MAF: variants seen among roughly 807,000 people sequenced by gnomAD.
MAF encodes MAF bZIP transcription factor.
A neutral mutation model predicts 22.0 loss-of-function variants in MAF; 10 were observed. That is an observed-to-expected ratio of 0.45 (90% CI 0.28 to 0.77). The LOEUF (loss-of-function observed/expected upper bound fraction) is 0.77. Ranked by LOEUF, MAF falls within the 30% of genes least tolerant of loss-of-function variation. The pLI is 0.12. For missense variants in MAF, 544 were observed against 548.4 expected (o/e 0.99, Z 0.08); for synonymous variants, 337 against 255.8 (o/e 1.32, Z -3.03).
the MAF span, among the ~76,000 whole-genome samples, chr16:79,449,100 G>A: frequency 1.3e-5 from 2 of 152,200 alleles, no homozygotes; most frequent in Admixed American, 6.5e-5. Flanking sequence ...CTCATAAGGA[G>A]CATGCAGCCC....
the MAF span, chr16:79,264,445 C>G: frequency 1.1e-4 from 17 of 152,316 alleles, no homozygotes; most frequent in East Asian, 2.5e-3. Context: ...GCCCTGAGAA[C>G]ACAGCAGAGT....
chr16:79,398,554 C>T, the MAF span, among the ~76,000 whole-genome samples: 8 of 152,044 alleles, frequency 5.3e-5, no homozygotes, highest in South Asian at 2.1e-4. Flanking sequence ...GTAGCAGAGA[C>T]GGAGTATCCT....
chr16:79,487,878 G>A, the MAF span, among the ~76,000 whole-genome samples: 2 of 152,318 alleles, frequency 1.3e-5, no homozygotes, highest in South Asian at 2.1e-4. Flanking sequence ...GCGTATGGAT[G>A]AAGATTTCCA....
At chr16:79,234,900 C>T in the MAF span, among the ~76,000 whole-genome samples, 1 of 151,978 alleles carries the variant, frequency 6.6e-6, no homozygotes, top group Admixed American at 6.6e-5. Flanking sequence ...GACCTGCCCT[C>T]GCGTTGCTGG....
At chr16:79,299,240 T>G in the MAF span, among the ~76,000 whole-genome samples, 1 of 152,048 alleles carries the variant, frequency 6.6e-6, no homozygotes, top group Non-Finnish European at 1.5e-5. Context: ...TAATGCGGGT[T>G]TTGTTCAGGA....
At chr16:79,509,200 C>A in the MAF span, among the ~76,000 whole-genome samples, 351 of 152,224 alleles carry the variant, frequency 2.3e-3, 1 homozygote, top group Non-Finnish European at 8.4e-4. Flanking sequence ...GGTAGCAAAC[C>A]CTTGGCATTC....
At chr16:79,297,617 G>A in the MAF span, among the ~76,000 whole-genome samples, 2 of 152,274 alleles carry the variant, frequency 1.3e-5, no homozygotes, top group East Asian at 1.9e-4. Context: ...AATCCAACGC[G>A]ATGATACAGA....
the MAF span, among the ~76,000 whole-genome samples, chr16:79,273,105 C>G: frequency 1.3e-5 from 2 of 152,112 alleles, no homozygotes; most frequent in African/African-American, 4.8e-5. Flanking sequence ...CTGCGGTGTC[C>G]TTGTTTTGCT....
chr16:79,575,796 C>A, the MAF span, among the ~76,000 whole-genome samples: 10 of 152,168 alleles, frequency 6.6e-5, no homozygotes, highest in Non-Finnish European at 1.3e-4. Context: ...GAACAGAAAC[C>A]TGAAAGCATA....
intron 1 of MAF, chr16:79,595,677 G>A: frequency 9.5e-7 from 1 of 1,057,952 alleles, no homozygotes; most frequent in Non-Finnish European, 1.1e-6. Flanking sequence ...AGCCTATTTT[G>A]GGGTAAATAC....
the MAF span, among the ~76,000 whole-genome samples, chr16:79,446,937 A>T: frequency 6.6e-6 from 1 of 152,096 alleles, no homozygotes; most frequent in Non-Finnish European, 1.5e-5. Context: ...AAAAAAAGAG[A>T]GAGAAAAAAA....
At chr16:79,453,681 A>G in the MAF span, among the ~76,000 whole-genome samples, 1 of 152,350 alleles carries the variant, frequency 6.6e-6, no homozygotes, top group East Asian at 1.9e-4. Context: ...ATTTCTGGAT[A>G]GGTCGGTCAC....
At chr16:79,208,190 C>G in the MAF span, among the ~76,000 whole-genome samples, 1 of 152,172 alleles carries the variant, frequency 6.6e-6, no homozygotes, top group Non-Finnish European at 1.5e-5. Flanking sequence ...TGGCAGCTCA[C>G]AAATGTTTGA....
the MAF span, among the ~76,000 whole-genome samples, chr16:79,229,881 C>CGGCA: frequency 1.8e-4 from 28 of 152,126 alleles, 1 homozygote; most frequent in African/African-American, 6.0e-4. Flanking sequence ...AGCTTGCTTG[C>CGGCA]GGCAGCCTGT....
At chr16:79,581,507 T>A (rs980747318), downstream of MAF, among the ~76,000 whole-genome samples, 1 of 151,486 alleles carries the variant, frequency 6.6e-6, no homozygotes, top group Non-Finnish European at 1.5e-5. Flanking sequence ...AAAGAAACTT[T>A]GTCTGTGGAA....
chr16:79,317,782 C>A, the MAF span, among the ~76,000 whole-genome samples: 1 of 152,224 alleles, frequency 6.6e-6, no homozygotes. Flanking sequence ...TGCTAGCCCA[C>A]TGGACACATG....
chr16:79,487,336 G>C, the MAF span, among the ~76,000 whole-genome samples: 1 of 152,122 alleles, frequency 6.6e-6, no homozygotes, highest in African/African-American at 2.4e-5. Flanking sequence ...GCAGCCTGAG[G>C]GAGCCCTCTT....
the MAF span, among the ~76,000 whole-genome samples, chr16:79,267,081 C>T: frequency 6.6e-6 from 1 of 152,186 alleles, no homozygotes; most frequent in African/African-American, 2.4e-5. Flanking sequence ...ATTGCTTATG[C>T]ATGTAATACA....
At chr16:79,247,336 A>G in the MAF span, among the ~76,000 whole-genome samples, 5 of 152,372 alleles carry the variant, frequency 3.3e-5, no homozygotes, top group African/African-American at 1.2e-4. Context: ...TGGATTTGAT[A>G]TCTTTTGATA....
Sources: allele counts gnomAD v4.1 joint callset (sites outside exome capture counted in the v4.1 genomes callset), GRCh38; gene constraint gnomAD v4.1.1; transcripts MANE v1.5; gene names NCBI Gene and HGNC (gene_info 2026-07-23, HGNC 2026-07-21).